The following CCN5 variants were observed in gnomAD, a reference collection of about 807,000 sequenced individuals.
The protein encoded by CCN5 is CCN family member 5.
A neutral mutation model predicts 18.7 loss-of-function variants in CCN5; 17 were observed. The ratio of observed to expected loss-of-function variants is 0.91; its 90% CI spans 0.62 to 1.36. The LOEUF (loss-of-function observed/expected upper bound fraction) is 1.36. CCN5 is among the 40% of genes most tolerant of loss of function. The pLI is 0.00. For missense variants in CCN5, 367 were observed against 342.9 expected, an observed-to-expected ratio of 1.07 and a Z score of -0.56; for synonymous variants, 135 against 145.2, an observed-to-expected ratio of 0.93 and a Z score of 0.50.
rs2281862 is a variant in CCN5, at chr20:44,727,461, C to G, written c.*154C>G. On this transcript the variant is annotated 3_prime_UTR_variant, in exon 4 of 4. Coordinates refer to ENST00000190983, the MANE Select transcript of CCN5 (RefSeq NM_003881.4). ...ACCATGCAGAACACCAATATTAACACGCTGCCTGGTCTGTCTGGATCCCGA... is the reference window on the plus strand; with the variant it reads ...ACCATGCAGAACACCAATATTAACAGGCTGCCTGGTCTGTCTGGATCCCGA... The G allele has an allele frequency of 1.1e-5, 16 of 1,436,292 alleles. No homozygotes were observed. The highest frequency in any genetic ancestry group is 1.8e-4 in the Middle Eastern group (1 of 5,462). The allele number at this position is 1,436,292 out of a possible 1,614,324, so 89.0% of individuals were successfully genotyped here. A position where few individuals can be genotyped will look rare whatever the true frequency, so the allele number is the denominator to read the frequency against.
chr20:44,720,434 C>T (rs1297647419), intron 2 of CCN5: 5 of 442,168 alleles, frequency 1.1e-5, no homozygotes, highest in Non-Finnish European at 2.0e-5. Flanking sequence ...CCAGATGCCA[C>T]CACTCCCTTC....
At chr20:44,723,146 T>C (rs1053598521) in intron 2 of CCN5, among the ~76,000 whole-genome samples, 7 of 152,068 alleles carry the variant, frequency 4.6e-5, no homozygotes, top group Non-Finnish European at 1.0e-4. Flanking sequence ...CATTGGCCCC[T>C]TGCTGTTCCT....
At chr20:44,721,714 C>A (rs1314271986) in intron 2 of CCN5, among the ~76,000 whole-genome samples, 2 of 152,138 alleles carry the variant, frequency 1.3e-5, no homozygotes, top group Non-Finnish European at 2.9e-5. Flanking sequence ...GTAAACAGCA[C>A]CCACAGAGTT....
intron 1 of CCN5, among the ~76,000 whole-genome samples, chr20:44,718,234 G>A (rs189134233): frequency 1.4e-3 from 210 of 152,356 alleles, no homozygotes; most frequent in African/African-American, 4.9e-3. Flanking sequence ...GCTCCTAGTG[G>A]CCGGCGTGGG....
At chr20:44,718,455 C>T (rs966759996) in intron 1 of CCN5, among the ~76,000 whole-genome samples, 5 of 152,256 alleles carry the variant, frequency 3.3e-5, no homozygotes, top group African/African-American at 4.8e-5. Context: ...TCAAACTTGG[C>T]CCCCCAAAGA....
At position 44,727,143 on chromosome 20, in the gene CCN5, T is replaced by C; in HGVS notation, c.589T>C (p.Trp197Arg). ...SLPPGVPCPE[W>R]STAWGPCSTT... is the part of the protein sequence containing the mutation. Reference sequence around the variant, plus strand: ...GCCCCCTGGTGTCCCCTGCCCAGAATGGAGCACGGCCTGGGGACCCTGCTC... The same window carrying C: ...GCCCCCTGGTGTCCCCTGCCCAGAACGGAGCACGGCCTGGGGACCCTGCTC... The change falls in exon 4 of 4, where the codon TGG (tryptophan) becomes CGG (arginine). Residue 197 changes from tryptophan (W) to arginine (R), a missense_variant. Trp to Arg is a moderately radical substitution (Grantham distance 101, BLOSUM62 -3). Transcript: ENST00000190983. 1.9e-6 allele frequency: 3 copies of C among 1,612,922 alleles called. No individual in the cohort carries two copies. Among genetic ancestry groups the C allele is most frequent in the Non-Finnish European group, 2.5e-6 (3 of 1,179,384 alleles).
At chr20:44,726,895 G>A (rs1421091459) in intron 3 of CCN5, among the ~76,000 whole-genome samples, 192 bp from the exon 4 acceptor site, 2 of 152,190 alleles carry the variant, frequency 1.3e-5, no homozygotes, top group Admixed American at 1.3e-4. Flanking sequence ...CAAGTACCAG[G>A]TACTGTGCTA....
intron 3 of CCN5, 59 bp from the exon 4 acceptor site, chr20:44,727,028 G>GTTGA: frequency 6.8e-7 from 1 of 1,476,542 alleles, no homozygotes; most frequent in Non-Finnish European, 9.0e-7. Context: ...TGGCAGGTGG[G>GTTGA]TTGATTGAGC....
chr20:44,719,953 C>A lies in CCN5; in HGVS notation c.117C>A (p.Cys39Ter). ...CCTGCCCCTGGCCACCTCCCCGATGCCCGCTGGGAGTACCCCTGGTGCTGG... is the reference window on the plus strand; with the variant it reads ...CCTGCCCCTGGCCACCTCCCCGATGACCGCTGGGAGTACCCCTGGTGCTGG... ...PCTCPWPPPR[C>*]PLGVPLVLDG... Residue 39 changes from cysteine (C) to a stop codon, truncating the protein, a stop_gained, in exon 2 of 4, where the codon TGC becomes TGA. Transcript: ENST00000190983. LOFTEE classifies it high-confidence loss of function. The A allele has an allele frequency of 6.2e-7, 1 of 1,613,860 alleles. No individual in the cohort carries two copies. Among genetic ancestry groups the A allele is most frequent in the Non-Finnish European group, 8.5e-7 (1 of 1,179,936 alleles).
intron 2 of CCN5, among the ~76,000 whole-genome samples, chr20:44,722,527 G>A (rs569136214): frequency 6.7e-6 from 1 of 149,268 alleles, no homozygotes; most frequent in South Asian, 2.1e-4. Context: ...GTGTGCAGTG[G>A]CAGGATCTCA....
intron 3 of CCN5, 54 bp downstream of exon 3, chr20:44,725,046 C>T: frequency 1.4e-6 from 2 of 1,465,568 alleles, no homozygotes; most frequent in Non-Finnish European, 9.0e-7. Context: ...GCGCCAAGGG[C>T]CACCTAGGGG....
chr20:44,724,626 G>A, intron 2 of CCN5, 112 bp from the exon 3 acceptor site: 1 of 1,514,268 alleles, frequency 6.6e-7, no homozygotes, highest in African/African-American at 1.4e-5. Context: ...GCCCTGGGCA[G>A]GGCCCAGCTA....
At chr20:44,723,842 G>A (rs2065916774) in intron 2 of CCN5, 1 of 152,238 alleles carries the variant, frequency 6.6e-6, no homozygotes, top group Admixed American at 6.5e-5. Flanking sequence ...AAGGAGTAGG[G>A]CTATTTTATC....
At position 44,722,267 on chromosome 20, in the gene CCN5, C is replaced by T. The variant is rs150571715; in HGVS notation, c.277+2154C>T. On this transcript the variant is annotated intron_variant, in intron 2 of 3. Coordinates refer to ENST00000190983, the MANE Select transcript of CCN5 (RefSeq NM_003881.4). Reference sequence around the variant, plus strand: ...CCTCTCCCATCACTTACTCGTTGAACGCTCTTCTCTAAGGGCCAACTCTGA... The same window carrying T: ...CCTCTCCCATCACTTACTCGTTGAATGCTCTTCTCTAAGGGCCAACTCTGA... 3.3e-3 allele frequency among the ~76,000 whole-genome samples: 509 copies of T among 152,248 alleles called. 1 individual carries two copies. The highest frequency in any genetic ancestry group is 5.7e-3 in the Non-Finnish European group (390 of 68,014).
rs1402063281 is a variant in CCN5 at position 44,727,501 on chromosome 20, G to A, written c.*194G>A. On this transcript the variant is annotated 3_prime_UTR_variant, in exon 4 of 4. Coordinates refer to ENST00000190983, the MANE Select transcript of CCN5 (RefSeq NM_003881.4). ...CTGGATCCCGAGGTATGGCAGAGGTGCAAGACCTAGTCCCCTTTCCTCTAA... is the reference window on the plus strand; with the variant it reads ...CTGGATCCCGAGGTATGGCAGAGGTACAAGACCTAGTCCCCTTTCCTCTAA... 2.1e-6 allele frequency: 3 copies of A among 1,417,022 alleles called. No homozygotes were observed. Among genetic ancestry groups the A allele is most frequent in the East Asian group, 5.4e-5 (2 of 36,872 alleles). The allele number at this position is 1,417,022 out of a possible 1,614,324, so 87.8% of individuals were successfully genotyped here. A position where few individuals can be genotyped will look rare whatever the true frequency, so the allele number is the denominator to read the frequency against.
Position 44,725,060 on chromosome 20 carries a change from G to T in CCN5, c.532+68G>T, listed in dbSNP as rs2065927245. On this transcript the variant is annotated intron_variant, in intron 3 of 3. Coordinates refer to ENST00000190983, the MANE Select transcript of CCN5 (RefSeq NM_003881.4). ...GGCGCCAAGGGCCACCTAGGGGGTGGGGTGGGGGGCGGCTTCCTGGGTACC... is the reference window on the plus strand; with the variant it reads ...GGCGCCAAGGGCCACCTAGGGGGTGTGGTGGGGGGCGGCTTCCTGGGTACC... The T allele has an allele frequency of 2.1e-6, 3 of 1,451,866 alleles. No individual in the cohort carries two copies. The South Asian group carries it at 4.5e-5, about 22-fold the overall frequency. The allele number at this position is 1,451,866 out of a possible 1,614,324, so 89.9% of individuals were successfully genotyped here.
At chr20:44,726,835 G>A (rs1284193637) in intron 3 of CCN5, among the ~76,000 whole-genome samples, 5 of 152,138 alleles carry the variant, frequency 3.3e-5, no homozygotes, top group South Asian at 2.1e-4. Flanking sequence ...AGGGACCATC[G>A]TGACCAACAC....
upstream of CCN5, chr20:44,715,229 T>TTTTG: frequency 1.9e-6 from 1 of 517,228 alleles, no homozygotes; most frequent in East Asian, 3.3e-5. Flanking sequence ...GCTAGTGTGT[T>TTTTG]TGTGTGTGTG....
At chr20:44,721,914 A>C (rs1001555159) in intron 2 of CCN5, among the ~76,000 whole-genome samples, 2 of 152,248 alleles carry the variant, frequency 1.3e-5, no homozygotes, top group African/African-American at 4.8e-5. Context: ...ATTTGAACTC[A>C]GGGAGCTGGC....
Sources: gnomAD v4.1 joint callset for allele counts (sites outside exome capture counted in the v4.1 genomes callset) on GRCh38, gnomAD v4.1.1 for gene constraint, MANE v1.5 for transcripts, NCBI Gene and HGNC (gene_info 2026-07-23, HGNC 2026-07-21) for gene names.